HTR2C: variants seen among roughly 807,000 people sequenced by gnomAD.
HTR2C encodes 5-hydroxytryptamine (serotonin) receptor 2C, G protein-coupled.
In HTR2C, 5 loss-of-function variants were observed where a neutral mutation model predicts 21.0. That is an observed-to-expected ratio of 0.24 (90% confidence interval 0.12 to 0.50). HTR2C has a LOEUF of 0.50. Ranked by LOEUF, HTR2C falls within the 20% of genes least tolerant of loss-of-function variation. The pLI is 0.98. For synonymous variants in HTR2C, 150 were observed against 145.3 expected (o/e 1.03, Z -0.23); for missense variants, 271 against 371.2 (o/e 0.73, Z 2.22).
intron 4 of HTR2C, among the ~76,000 whole-genome samples, chrX:114,743,733 T>C (rs1556425671): frequency 9.0e-6 from 1 of 111,463 alleles, no homozygotes; most frequent in Non-Finnish European, 1.9e-5. Context: ...TTGCCCCAAT[T>C]TGGTGAAAGA....
intron 4 of HTR2C, among the ~76,000 whole-genome samples, chrX:114,826,834 T>C (rs781986756): frequency 4.5e-5 from 5 of 111,931 alleles, no homozygotes; most frequent in Non-Finnish European, 7.5e-5. Flanking sequence ...TTTGGACTTA[T>C]GTCTACCGTG....
At chrX:114,675,294 C>T (rs1234727469) in intron 2 of HTR2C, among the ~76,000 whole-genome samples, 1 of 111,613 alleles carries the variant, frequency 9.0e-6, no homozygotes, top group Non-Finnish European at 1.9e-5. Context: ...CAACACAATC[C>T]AACTTGGTTA....
At chrX:114,839,075 G>T (rs1449803038) in intron 4 of HTR2C, among the ~76,000 whole-genome samples, 1 of 112,354 alleles carries the variant, frequency 8.9e-6, no homozygotes, top group Non-Finnish European at 1.9e-5. Context: ...CTTTTGGTTA[G>T]AAGAACTTCT....
At chrX:114,849,329 A>C (rs2070897656) in intron 5 of HTR2C, among the ~76,000 whole-genome samples, 1 of 112,335 alleles carries the variant, frequency 8.9e-6, no homozygotes, top group Non-Finnish European at 1.9e-5. Flanking sequence ...CTAGTAATGA[A>C]AGACTGAGTA....
chrX:114,745,960 A>G (rs1237265532), intron 4 of HTR2C, among the ~76,000 whole-genome samples: 2 of 112,213 alleles, frequency 1.8e-5, no homozygotes, highest in Non-Finnish European at 3.8e-5. Context: ...CTTAAAGAGT[A>G]TAATTGGATT....
At chrX:114,887,747 C>A (rs191944875) in intron 5 of HTR2C, among the ~76,000 whole-genome samples, 1 of 110,773 alleles carries the variant, frequency 9.0e-6, no homozygotes, top group African/African-American at 3.3e-5. Context: ...GTTGGCCGGG[C>A]GCGGTGCCTC....
At chrX:114,729,887 C>A (rs1385988633) in intron 3 of HTR2C, among the ~76,000 whole-genome samples, 1 of 111,689 alleles carries the variant, frequency 9.0e-6, no homozygotes, top group Non-Finnish European at 1.9e-5. Flanking sequence ...CTTCAACTAT[C>A]TTGCATAGAA....
At chrX:114,883,204 T>G (rs984899606) in intron 5 of HTR2C, among the ~76,000 whole-genome samples, 12 of 110,262 alleles carry the variant, frequency 1.1e-4, no homozygotes, top group Admixed American at 1.9e-4. Flanking sequence ...AGCAATAATG[T>G]CCCTGCTTTC....
chrX:114,707,028 C>G (rs1172014842), intron 2 of HTR2C, among the ~76,000 whole-genome samples: 2 of 111,191 alleles, frequency 1.8e-5, no homozygotes, highest in Non-Finnish European at 3.8e-5. Context: ...TGAACCAAAA[C>G]AAAAAATTTC....
chrX:114,805,768 ATCTATACCATG>A (rs1556448781), intron 4 of HTR2C, among the ~76,000 whole-genome samples: 10 of 72,302 alleles, frequency 1.4e-4, no homozygotes, highest in African/African-American at 4.8e-4. Flanking sequence ...TATACACCAT[ATCTATACCATG>A]TATATACACC....
rs145480707 is a variant in HTR2C, at chrX:114,888,157, T to C, written c.551-18432T>C. On this transcript the variant is annotated intron_variant, in intron 5 of 5. Coordinates refer to ENST00000276198, the MANE Select transcript of HTR2C (RefSeq NM_000868.4). ...TTGACTAGTTTATCTGTGGATCTCT[T>C]TGTATTTTTCCAACTTTTAGTTAAT... Among the ~76,000 whole-genome samples, 941 of 112,059 alleles carry C rather than the reference T, an allele frequency of 8.4e-3. 10 individuals are homozygous for C. The highest frequency in any genetic ancestry group is 0.029 in the African/African-American group (899 of 30,863).
intron 2 of HTR2C, among the ~76,000 whole-genome samples, chrX:114,627,757 T>A: frequency 8.9e-6 from 1 of 111,945 alleles, no homozygotes; most frequent in Non-Finnish European, 1.9e-5. Context: ...TGCTGCTGGA[T>A]CAAATAATTT....
chrX:114,865,441 T>C (rs1556474290), intron 5 of HTR2C, among the ~76,000 whole-genome samples: 1 of 111,908 alleles, frequency 8.9e-6, no homozygotes, highest in Non-Finnish European at 1.9e-5. Context: ...ACATTTAGCT[T>C]TTTAAGAAAC....
chrX:114,684,039 T>C (rs1556413901), intron 2 of HTR2C, among the ~76,000 whole-genome samples: 2 of 112,114 alleles, frequency 1.8e-5, no homozygotes, highest in Non-Finnish European at 3.8e-5. Context: ...AGTGAAAGTA[T>C]ATTTAATTAA....
intron 2 of HTR2C, among the ~76,000 whole-genome samples, chrX:114,682,427 C>T (rs782303903): frequency 1.9e-4 from 21 of 110,860 alleles, no homozygotes; most frequent in African/African-American, 3.9e-4. Flanking sequence ...AATTGGTGGG[C>T]GGCAACACAT....
At chrX:114,590,626 A>G (rs782400541) in intron 1 of HTR2C, among the ~76,000 whole-genome samples, 1 of 112,339 alleles carries the variant, frequency 8.9e-6, no homozygotes, top group Non-Finnish European at 1.9e-5. Flanking sequence ...CATCTGCACA[A>G]TAATATTCAA....
In HTR2C at chrX:114,907,265, G is replaced by A. The variant is rs782038081; in HGVS notation, c.1227G>A (p.Arg409=). ...TTGCCGCCACTGCTTTGTCTGGGAG[G>A]GAGCTTAATGTTAACATTTATCGGC... ...PRVAATALSG[R]ELNVNIYRHT... The change falls in exon 6 of 6, where the codon AGG becomes AGA. Residue 409 remains arginine, a synonymous_variant. Coordinates refer to ENST00000276198, the MANE Select transcript of HTR2C (RefSeq NM_000868.4). 8.3e-7 allele frequency: 1 copy of A among 1,211,192 alleles called. No individual in the cohort carries two copies.
intron 4 of HTR2C, chrX:114,823,590 G>T: frequency 3.0e-6 from 1 of 332,896 alleles, no homozygotes; most frequent in South Asian, 2.7e-5. Context: ...ACACCACTCT[G>T]CTTCACTGAA....
intron 4 of HTR2C, among the ~76,000 whole-genome samples, chrX:114,812,601 G>A (rs1334470626): frequency 9.1e-6 from 1 of 109,814 alleles, no homozygotes; most frequent in Non-Finnish European, 1.9e-5. Context: ...GTGGTGGTGA[G>A]CCCTGTAATC....
Sources: gnomAD v4.1 joint callset for allele counts (sites outside exome capture counted in the v4.1 genomes callset) on GRCh38, gnomAD v4.1.1 for gene constraint, MANE v1.5 for transcripts, NCBI Gene and HGNC (gene_info 2026-07-23, HGNC 2026-07-21) for gene names.